KIF16B: variants seen among roughly 807,000 people sequenced by gnomAD.
KIF16B encodes kinesin-like protein KIF16B.
A neutral mutation model predicts 156.3 loss-of-function variants in KIF16B; 98 were observed. The ratio of observed to expected loss-of-function variants is 0.63; its 90% confidence interval spans 0.53 to 0.74. The LOEUF is 0.74. KIF16B is among the 30% of genes least tolerant of loss of function. The pLI is 0.00. For synonymous variants in KIF16B, 564 were observed against 583.7 expected (o/e 0.97, Z 0.49); for missense variants, 1,421 against 1,606.5 (o/e 0.88, Z 1.97).
intron 12 of KIF16B, among the ~76,000 whole-genome samples, chr20:16,432,759 C>G (rs1469695838): frequency 2.0e-5 from 3 of 151,560 alleles, no homozygotes; most frequent in Non-Finnish European, 2.9e-5. Flanking sequence ...AAAAGGATGG[C>G]TTAAAAAAAT....
intron 3 of KIF16B, among the ~76,000 whole-genome samples, chr20:16,518,056 G>A (rs1807368622): frequency 6.6e-6 from 1 of 152,132 alleles, no homozygotes; most frequent in Admixed American, 6.5e-5. Context: ...CAGGGGCTCA[G>A]GGGGTTTGGG....
chr20:16,418,083 C>T (rs1360420312), intron 15 of KIF16B, among the ~76,000 whole-genome samples: 2 of 151,356 alleles, frequency 1.3e-5, no homozygotes, highest in Non-Finnish European at 2.9e-5. Flanking sequence ...CATGCCAAGG[C>T]ATATTGTAAA....
chr20:16,436,791 C>T (rs2066652650), intron 12 of KIF16B, among the ~76,000 whole-genome samples: 1 of 152,088 alleles, frequency 6.6e-6, no homozygotes, highest in Non-Finnish European at 1.5e-5. Context: ...GAATCACCAA[C>T]TGGTTTTTTA....
Position 16,304,022 on chromosome 20 carries a change from T to C in KIF16B, c.3795+8313A>G, listed in dbSNP as rs930096261. Among the ~76,000 whole-genome samples, 4 of 152,226 alleles carry C rather than the reference T, an allele frequency of 2.6e-5. No individual in the cohort carries two copies. The South Asian group carries it at 6.2e-4, about 24-fold the overall frequency. ...AAAGATGGAGAACAACTTCGGCTCA[T>C]AGGGTGTTTTGATTCCCTGAGTGGT... On this transcript the variant is annotated intron_variant, in intron 25 of 25. Coordinates refer to ENST00000354981, the MANE Select transcript of KIF16B (RefSeq NM_024704.5).
At chr20:16,413,649 C>A (rs2066013047) in intron 15 of KIF16B, among the ~76,000 whole-genome samples, 1 of 151,996 alleles carries the variant, frequency 6.6e-6, no homozygotes, top group African/African-American at 2.4e-5. Flanking sequence ...ATGAGAGGCC[C>A]TTTGTAATTC....
chr20:16,403,804 G>A (rs926950963), intron 17 of KIF16B, among the ~76,000 whole-genome samples: 1 of 152,192 alleles, frequency 6.6e-6, no homozygotes. Flanking sequence ...TGGGCTGAAG[G>A]AGTGAATGGC....
intron 24 of KIF16B, among the ~76,000 whole-genome samples, chr20:16,321,165 T>A (rs545696081): frequency 2.4e-4 from 36 of 152,274 alleles, no homozygotes; most frequent in South Asian, 6.2e-4. Context: ...ATACTTAAAA[T>A]AATGTTCATT....
chr20:16,451,114 C>A (rs1025066774), intron 12 of KIF16B, among the ~76,000 whole-genome samples: 3 of 152,158 alleles, frequency 2.0e-5, no homozygotes, highest in African/African-American at 7.2e-5. Flanking sequence ...GCCTTCCAAG[C>A]TCATATAGAA....
At chr20:16,571,692 C>T (rs567662415) in intron 1 of KIF16B, among the ~76,000 whole-genome samples, 4 of 151,198 alleles carry the variant, frequency 2.6e-5, no homozygotes, top group South Asian at 2.1e-4. Context: ...TGCAGAGGCA[C>T]GGTGTCGGCT....
At chr20:16,563,212 G>C (rs989928358) in intron 1 of KIF16B, among the ~76,000 whole-genome samples, 1 of 152,178 alleles carries the variant, frequency 6.6e-6, no homozygotes, top group Admixed American at 6.5e-5. Flanking sequence ...AGGAGTGACC[G>C]AAGGCAAGCT....
chr20:16,563,367 A>G (rs1400950185), intron 1 of KIF16B, among the ~76,000 whole-genome samples: 1 of 152,216 alleles, frequency 6.6e-6, no homozygotes, highest in Non-Finnish European at 1.5e-5. Context: ...CAAAGCCACC[A>G]AAATAAATCT....
chr20:16,391,634 C>T (rs1568927508), intron 17 of KIF16B, among the ~76,000 whole-genome samples: 1 of 152,162 alleles, frequency 6.6e-6, no homozygotes, highest in Non-Finnish European at 1.5e-5. Context: ...AGGGATGAGC[C>T]AGGCCACAGG....
chr20:16,505,898 AT>A (rs1292985269), intron 8 of KIF16B, 45 bp from the exon 9 acceptor site: 8 of 1,606,878 alleles, frequency 5.0e-6, no homozygotes, highest in East Asian at 2.2e-5. Flanking sequence ...AATTAGTAAA[AT>A]TTTTTTTCCT....
chr20:16,381,094 G>A lies in KIF16B; in HGVS notation c.1838+600C>T, dbSNP rs2065082297. On this transcript the variant is annotated intron_variant, in intron 18 of 25. Transcript: ENST00000354981. ...CGTCTTGGCTGGTTAAATAGGACAG[G>A]AAAAACAGAAAAGGAGAAAATACAG... 2.0e-5 allele frequency among the ~76,000 whole-genome samples: 3 copies of A among 152,188 alleles called. No homozygotes were observed. The South Asian group carries it at 6.2e-4, about 32-fold the overall frequency.
intron 25 of KIF16B, among the ~76,000 whole-genome samples, chr20:16,281,309 T>C (rs1266928218): frequency 6.6e-6 from 1 of 152,150 alleles, no homozygotes; most frequent in Non-Finnish European, 1.5e-5. Flanking sequence ...CGGTGGCGGC[T>C]TAAAGACAAG....
chr20:16,373,861 C>A (rs982563302), intron 20 of KIF16B, among the ~76,000 whole-genome samples: 1 of 152,176 alleles, frequency 6.6e-6, no homozygotes, highest in African/African-American at 2.4e-5. Context: ...TTAGTGGTTC[C>A]ACATCCACAA....
intron 12 of KIF16B, among the ~76,000 whole-genome samples, chr20:16,430,729 T>C (rs2066474420): frequency 6.6e-6 from 1 of 152,064 alleles, no homozygotes; most frequent in Non-Finnish European, 1.5e-5. Context: ...CTTCTGTCTC[T>C]TGACTTGACC....
intron 24 of KIF16B, among the ~76,000 whole-genome samples, chr20:16,334,158 T>C (rs926632971): frequency 6.6e-6 from 1 of 152,238 alleles, no homozygotes; most frequent in Non-Finnish European, 1.5e-5. Context: ...TGTGTGTGTA[T>C]ATAAAGTCTG....
intron 1 of KIF16B, among the ~76,000 whole-genome samples, chr20:16,554,758 G>A (rs1269682979): frequency 3.3e-5 from 5 of 152,198 alleles, no homozygotes; most frequent in African/African-American, 9.7e-5. Flanking sequence ...CCCTCTTTGG[G>A]GCTCTGTGGT....
Sources: allele counts gnomAD v4.1 joint callset (sites outside exome capture counted in the v4.1 genomes callset), GRCh38; gene constraint gnomAD v4.1.1; transcripts MANE v1.5; gene names NCBI Gene and HGNC (gene_info 2026-07-23, HGNC 2026-07-21).